NRXN1: variants seen among roughly 807,000 people sequenced by gnomAD.
The protein encoded by NRXN1 is neurexin 1.
In NRXN1, 39 loss-of-function variants were observed where a neutral mutation model predicts 150.9. The ratio of observed to expected loss-of-function variants is 0.26; its 90% CI spans 0.20 to 0.34. The LOEUF (loss-of-function observed/expected upper bound fraction) is 0.34, where lower values mean the gene tolerates loss of function less well. NRXN1 is among the 10% of genes least tolerant of loss of function. The pLI is 1.00. For missense variants in NRXN1, 1,815 were observed against 1,949.9 expected (o/e 0.93, Z 1.30); for synonymous variants, 924 against 757.0 (o/e 1.22, Z -3.62).
intron 21 of NRXN1, among the ~76,000 whole-genome samples, chr2:49,984,718 A>ACACACACACACAC (rs1680601343): frequency 7.5e-5 from 11 of 146,954 alleles, no homozygotes; most frequent in Admixed American, 2.0e-4. Flanking sequence ...AGAACACACA[A>ACACACACACACAC]ACACACACAC....
intron 5 of NRXN1, among the ~76,000 whole-genome samples, chr2:50,869,642 C>T (rs1291223109): frequency 2.0e-5 from 3 of 151,702 alleles, no homozygotes; most frequent in African/African-American, 4.8e-5. Context: ...TGATGACACA[C>T]AGCCTAGAGG....
chr2:50,198,718 A>C lies in NRXN1; in HGVS notation c.3546+38071T>G, dbSNP rs567672049. 4.6e-4 allele frequency among the ~76,000 whole-genome samples: 70 copies of C among 152,250 alleles called. 2 individuals are homozygous for C. The South Asian group carries it at 0.012, about 26-fold the overall frequency. ...TAAAGTGCAGGGATCCTAAAACCCC[A>C]TTCTAGATTATCCCTTAGTATGGAT... is the stretch of plus-strand genomic sequence containing the variant. On this transcript the variant is annotated intron_variant, in intron 18 of 22. Coordinates refer to ENST00000401669, the MANE Select transcript of NRXN1 (RefSeq NM_001330078.2).
At chr2:50,739,764 G>T (rs1249781117) in intron 5 of NRXN1, among the ~76,000 whole-genome samples, 6 of 152,032 alleles carry the variant, frequency 3.9e-5, no homozygotes, top group African/African-American at 9.7e-5. Context: ...TAAGTATCTT[G>T]TCCAATGGGG....
chr2:50,243,628 CA>C (rs2066235149), intron 17 of NRXN1, among the ~76,000 whole-genome samples: 1 of 151,704 alleles, frequency 6.6e-6, no homozygotes, highest in African/African-American at 2.4e-5. Flanking sequence ...CAAGTTAATC[CA>C]AAAGATTCTT....
At chr2:50,185,585 C>T (rs1465038463) in intron 18 of NRXN1, 1 of 152,004 alleles carries the variant, frequency 6.6e-6, no homozygotes, top group Non-Finnish European at 1.5e-5. Flanking sequence ...TTTGTCTTTG[C>T]TCTTGTTCCT....
chr2:50,533,108 T>C (rs1015010579), intron 10 of NRXN1, among the ~76,000 whole-genome samples: 10 of 152,182 alleles, frequency 6.6e-5, no homozygotes, highest in Non-Finnish European at 5.9e-5. Context: ...TTTGTTGTCA[T>C]GATGGGATTA....
chr2:50,579,467 G>T (rs960495545), intron 8 of NRXN1, among the ~76,000 whole-genome samples: 5 of 152,124 alleles, frequency 3.3e-5, no homozygotes, highest in Non-Finnish European at 7.3e-5. Context: ...AGATCAGCCT[G>T]GGCAACACAG....
chr2:50,513,111 C>T (rs991763680), intron 12 of NRXN1, among the ~76,000 whole-genome samples: 8 of 152,044 alleles, frequency 5.3e-5, no homozygotes, highest in African/African-American at 1.9e-4. Context: ...ATAATGCCTA[C>T]CTTATTTCAT....
chr2:50,707,325 C>A (rs895764406), intron 5 of NRXN1, among the ~76,000 whole-genome samples: 3 of 152,062 alleles, frequency 2.0e-5, no homozygotes, highest in Admixed American at 6.6e-5. Flanking sequence ...TACAAAATTG[C>A]TTTTGGGAGA....
intron 19 of NRXN1, among the ~76,000 whole-genome samples, chr2:50,087,523 GA>G (rs1319456542): frequency 1.3e-5 from 2 of 152,070 alleles, no homozygotes; most frequent in Non-Finnish European, 1.5e-5. Context: ...TGTGGAGAGA[GA>G]AAATTTTCCC....
rs191536896 is a variant in NRXN1 at position 50,464,818 on chromosome 2, C to T, written c.3364+624G>A. On this transcript the variant is annotated intron_variant, in intron 17 of 22. Coordinates refer to ENST00000401669, the MANE Select transcript of NRXN1 (RefSeq NM_001330078.2). ...TCAGTTAATTCCATCTTCAAACCCT[C>T]ACTGCTGTGATATAAATTAGGCACT... Among the ~76,000 whole-genome samples the T allele has an allele frequency of 3.9e-5, 6 of 152,008 alleles. No homozygotes were observed. In the East Asian group the frequency reaches 1.2e-3, roughly 29 times the overall value.
At chr2:50,864,111 T>C (rs1224388366) in intron 5 of NRXN1, among the ~76,000 whole-genome samples, 2 of 152,020 alleles carry the variant, frequency 1.3e-5, no homozygotes, top group Non-Finnish European at 2.9e-5. Context: ...CTTAGGTTCC[T>C]TTGGGAAAAA....
chr2:50,941,722 C>T (rs1044365500), intron 2 of NRXN1, among the ~76,000 whole-genome samples: 9 of 152,104 alleles, frequency 5.9e-5, no homozygotes, highest in East Asian at 3.9e-4. Flanking sequence ...CATACGTTCA[C>T]AAACAGATTA....
intron 18 of NRXN1, among the ~76,000 whole-genome samples, chr2:50,093,571 G>A (rs1193422662): frequency 6.6e-6 from 1 of 152,098 alleles, no homozygotes; most frequent in African/African-American, 2.4e-5. Flanking sequence ...GGAGGCTGAG[G>A]CTGCAGTGAG....
chr2:51,000,938 A>G (rs1199565064), intron 2 of NRXN1, among the ~76,000 whole-genome samples: 1 of 151,876 alleles, frequency 6.6e-6, no homozygotes, highest in Admixed American at 6.6e-5. Context: ...CTGGTTTCTG[A>G]CCCTTGTCAG....
intron 5 of NRXN1, among the ~76,000 whole-genome samples, chr2:50,743,870 GAC>G (rs1340599239): frequency 6.6e-6 from 1 of 152,120 alleles, no homozygotes; most frequent in Non-Finnish European, 1.5e-5. Context: ...ACTGCTTTGT[GAC>G]AAAATGAAAA....
At chr2:50,966,164 C>G (rs558261959) in intron 2 of NRXN1, among the ~76,000 whole-genome samples, 1 of 151,340 alleles carries the variant, frequency 6.6e-6, no homozygotes, top group South Asian at 2.1e-4. Flanking sequence ...AAAAGTAAGA[C>G]GACTTTCCAA....
At position 50,420,961 on chromosome 2, in the gene NRXN1, CCTGTGTGT is replaced by C. The variant is rs2083938709; in HGVS notation, c.3364+44473_3364+44480del. ...TCCTGGTCACCCTAGTCAAAATAGA[CCTGTGTGT>C]GTGTGTGTGTGTGTGTGTGTGTGTG... On this transcript the variant is annotated intron_variant, in intron 17 of 22. Coordinates refer to ENST00000401669, the MANE Select transcript of NRXN1 (RefSeq NM_001330078.2). Among the ~76,000 whole-genome samples, 2 of 115,466 alleles carry C rather than the reference CCTGTGTGT, an allele frequency of 1.7e-5. 1 individual carries two copies. The highest frequency in any genetic ancestry group is 5.9e-4 in the South Asian group (2 of 3,414). 75.8% of individuals were successfully genotyped at this position (115,466 alleles called of 152,430 possible). A position where few individuals can be genotyped will look rare whatever the true frequency, so the allele number is the denominator to read the frequency against.
intron 5 of NRXN1, among the ~76,000 whole-genome samples, chr2:50,770,831 C>T (rs896944701): frequency 1.3e-5 from 2 of 152,056 alleles, no homozygotes; most frequent in Middle Eastern, 3.4e-3. Context: ...GCCATAGATG[C>T]TATGGGAAGC....
Sources: allele counts gnomAD v4.1 joint callset (sites outside exome capture counted in the v4.1 genomes callset), GRCh38; gene constraint gnomAD v4.1.1; transcripts MANE v1.5; gene names NCBI Gene and HGNC (gene_info 2026-07-23, HGNC 2026-07-21).